The following DDX27 variants were observed in gnomAD, a reference collection of about 807,000 sequenced individuals.
DDX27 encodes the protein probable ATP-dependent RNA helicase DDX27.
In DDX27, 42 loss-of-function variants were observed where a neutral mutation model predicts 99.3. That is an observed-to-expected ratio of 0.42 (90% CI 0.33 to 0.55). DDX27 has a LOEUF of 0.55. DDX27 is among the 20% of genes least tolerant of loss of function. The pLI, the probability that DDX27 is intolerant of heterozygous loss-of-function variation, is 0.07. For synonymous variants in DDX27, 329 were observed against 353.8 expected, an observed-to-expected ratio of 0.93 and a Z score of 0.79; for missense variants, 798 against 976.8, an observed-to-expected ratio of 0.82 and a Z score of 2.44.
intron 2 of DDX27, among the ~76,000 whole-genome samples, chr20:49,222,725 C>T (rs1979734554): frequency 6.6e-6 from 1 of 152,002 alleles, no homozygotes; most frequent in African/African-American, 2.4e-5. Context: ...CATGTTGAGG[C>T]TGGTCTCGAA....
chr20:49,232,704 C>T, intron 9 of DDX27: 1 of 133,826 alleles, frequency 7.5e-6, no homozygotes, highest in Non-Finnish European at 1.5e-5. Context: ...GCGGAGCTTG[C>T]AGTGAGCGGA....
chr20:49,241,760 C>T, intron 16 of DDX27, 133 bp from the exon 17 acceptor site: 1 of 952,272 alleles, frequency 1.1e-6, no homozygotes, highest in Non-Finnish European at 1.6e-6. Context: ...CGAGCTACTG[C>T]ACTCGGCCAA....
intron 19 of DDX27, among the ~76,000 whole-genome samples, chr20:49,243,329 T>C (rs888848056): frequency 2.0e-5 from 3 of 152,154 alleles, no homozygotes; most frequent in African/African-American, 7.2e-5. Context: ...GGCTTGCTCT[T>C]AGGAATATGT....
chr20:49,235,719 A>T (rs1295395802), intron 12 of DDX27: 3 of 156,252 alleles, frequency 1.9e-5, no homozygotes, highest in Non-Finnish European at 4.2e-5. Flanking sequence ...TAAATATCCC[A>T]TGTGCTCACA....
At chr20:49,229,343 A>G (rs898265756) in intron 8 of DDX27, among the ~76,000 whole-genome samples, 2 of 152,104 alleles carry the variant, frequency 1.3e-5, no homozygotes, top group Non-Finnish European at 2.9e-5. Context: ...ATGTTTTCAT[A>G]GTGCTTTAGG....
Position 49,226,413 on chromosome 20 carries a change from A to T in DDX27, c.601-17A>T, listed in dbSNP as rs755783934. 1 of 1,609,056 alleles carries T rather than the reference A, an allele frequency of 6.2e-7. No homozygotes were observed. The highest frequency in any genetic ancestry group is 2.2e-5 in the East Asian group (1 of 44,774). ...TCCCCCGCTCAACCCTGTCTGACCC[A>T]GTTCTTTTTTCCTCAGGCCATTACA... is the stretch of plus-strand genomic sequence containing the variant. On this transcript the variant is annotated splice_polypyrimidine_tract_variant and intron_variant, in intron 6 of 20. Transcript: ENST00000618172.
At chr20:49,223,239 CA>C (rs1255983261) in intron 3 of DDX27, 28 bp from the exon 4 acceptor site, 1 of 1,593,896 alleles carries the variant, frequency 6.3e-7, no homozygotes, top group African/African-American at 1.4e-5. Flanking sequence ...AGAAGTTTCT[CA>C]TCACCCTCAC....
chr20:49,243,919 C>A lies in DDX27; in HGVS notation c.*85C>A. On this transcript the variant is annotated 3_prime_UTR_variant, in exon 21 of 21. Transcript: ENST00000618172. ...CATCCTGGCTGGTCTGTCTTTTCTC[C>A]ATTTGTTTAAAAAAAAAACAAAAAC... 1 of 1,494,544 alleles carries A rather than the reference C, an allele frequency of 6.7e-7. No individual in the cohort carries two copies. Among genetic ancestry groups the A allele is most frequent in the Non-Finnish European group, 9.2e-7 (1 of 1,092,894 alleles). 92.6% of individuals were successfully genotyped at this position (1,494,544 alleles called of 1,614,324 possible).
In DDX27 at chr20:49,243,894, C is replaced by G; in HGVS notation, c.*60C>G. 6.3e-7 allele frequency: 1 copy of G among 1,585,746 alleles called. No homozygotes were observed. The highest frequency in any genetic ancestry group is 8.6e-7 in the Non-Finnish European group (1 of 1,156,168). The stretch of plus-strand genomic sequence containing the variant: ...CTTAAATCCCTTCCCTGTGGGAAGT[C>G]ATCCTGGCTGGTCTGTCTTTTCTCC... On this transcript the variant is annotated 3_prime_UTR_variant, in exon 21 of 21. Coordinates refer to ENST00000618172, the MANE Select transcript of DDX27 (RefSeq NM_017895.8).
chr20:49,241,975 G>A lies in DDX27; in HGVS notation c.1980G>A (p.Lys660=). ...RKKFMKDAKK[K]GEMTAEERSQ... is the part of the protein sequence containing the mutation. ...AGTTTATGAAGGATGCCAAAAAAAA[G>A]GGGGAGATGACAGTGAGTGGCCTCC... Residue 660 remains lysine (K), a synonymous_variant, in exon 17 of 21, where the codon AAG becomes AAA. Transcript: ENST00000618172. 6.2e-7 allele frequency: 1 copy of A among 1,613,522 alleles called. No individual in the cohort carries two copies. Among genetic ancestry groups the A allele is most frequent in the Non-Finnish European group, 8.5e-7 (1 of 1,179,848 alleles).
intron 19 of DDX27, among the ~76,000 whole-genome samples, chr20:49,242,949 T>C (rs1002157788): frequency 2.6e-5 from 4 of 152,084 alleles, no homozygotes; most frequent in Admixed American, 1.3e-4. Flanking sequence ...CTCGATCTCT[T>C]GACCTCCTGA....
chr20:49,239,240 A>G lies in DDX27; in HGVS notation c.1799A>G (p.Asn600Ser), dbSNP rs748666131. The G allele has an allele frequency of 4.3e-6, 7 of 1,613,960 alleles. No homozygotes were observed. The highest frequency in any genetic ancestry group is 2.2e-5 in the South Asian group (2 of 91,068). The change falls in exon 16 of 21, where the codon AAT becomes AGT. Residue 600 changes from asparagine (N) to serine (S), a missense_variant. Asn to Ser is a conservative substitution (Grantham distance 46, BLOSUM62 1). Transcript: ENST00000618172. ...KEMQQSEAQI[N>S]TAKRLLEKGK... ...ATCCTTTTGTTATCTCTACAGATCA[A>G]TACAGCAAAGCGGCTCCTGGAGAAG... is the stretch of plus-strand genomic sequence containing the variant.
intron 4 of DDX27, 42 bp from the exon 5 acceptor site, chr20:49,224,903 G>T: frequency 6.2e-7 from 1 of 1,611,968 alleles, no homozygotes; most frequent in Non-Finnish European, 8.5e-7. Context: ...CAAGTGCTTT[G>T]TAAGTCTGAG....
At chr20:49,229,468 A>G (rs934107859) in intron 8 of DDX27, among the ~76,000 whole-genome samples, 1 of 152,132 alleles carries the variant, frequency 6.6e-6, no homozygotes, top group African/African-American at 2.4e-5. Context: ...CTGTGAGAAT[A>G]ATGAATCAAA....
At chr20:49,220,986 G>T (rs775336430) in intron 1 of DDX27, among the ~76,000 whole-genome samples, 2 of 151,548 alleles carry the variant, frequency 1.3e-5, no homozygotes, top group Non-Finnish European at 3.0e-5. Context: ...TTTTAAGACA[G>T]AGTCTTGCTC....
At chr20:49,226,980 A>T (rs1453567244) in intron 7 of DDX27, among the ~76,000 whole-genome samples, 1 of 140,084 alleles carries the variant, frequency 7.1e-6, no homozygotes, top group Non-Finnish European at 1.5e-5. Context: ...CTCCTGCCTC[A>T]GCCTCCCAAG....
chr20:49,221,565 C>T lies in DDX27; in HGVS notation c.207C>T (p.Ala69=), dbSNP rs1299395500. The change falls in exon 2 of 21, where the codon GCC becomes GCT. Residue 69 remains alanine (A), a synonymous_variant. Coordinates refer to ENST00000618172, the MANE Select transcript of DDX27 (RefSeq NM_017895.8). ...AGGGGACGTACGATGGCAGCTGGGC[C>T]CTGGCTGATGTCATGAGCCAACTCA... ...EKEGTYDGSW[A]LADVMSQLKK... 1 of 1,610,990 alleles carries T rather than the reference C, an allele frequency of 6.2e-7. No homozygotes were observed. Among genetic ancestry groups the T allele is most frequent in the Non-Finnish European group, 8.5e-7 (1 of 1,178,406 alleles).
At chr20:49,224,442 A>G (rs751092917) in intron 4 of DDX27, among the ~76,000 whole-genome samples, 4 of 148,972 alleles carry the variant, frequency 2.7e-5, no homozygotes, top group Non-Finnish European at 5.9e-5. Context: ...AGCTCACTGC[A>G]ACCTCTGCCT....
chr20:49,222,588 C>T (rs964132141), intron 2 of DDX27, among the ~76,000 whole-genome samples: 2 of 151,976 alleles, frequency 1.3e-5, no homozygotes, highest in Non-Finnish European at 2.9e-5. Context: ...GATCTCGGCT[C>T]ACTGCCACCT....
Sources: gnomAD v4.1 joint callset for allele counts (sites outside exome capture counted in the v4.1 genomes callset) on GRCh38, gnomAD v4.1.1 for gene constraint, MANE v1.5 for transcripts, NCBI Gene and HGNC (gene_info 2026-07-23, HGNC 2026-07-21) for gene names.